The following ATE1 variants were observed in gnomAD, a reference collection of about 807,000 sequenced individuals.
ATE1 encodes arginyl-tRNA--protein transferase 1.
In ATE1, 36 loss-of-function variants were observed where a neutral mutation model predicts 70.5. The observed-to-expected ratio is 0.51, with a 90% confidence interval of 0.39 to 0.67. ATE1 has a LOEUF of 0.67. ATE1 is among the 30% of genes least tolerant of loss of function. The pLI, the probability that ATE1 is intolerant of heterozygous loss-of-function variation, is 0.00. For synonymous variants in ATE1, 232 were observed against 219.3 expected (o/e 1.06, Z -0.51); for missense variants, 593 against 629.5 (o/e 0.94, Z 0.62).
chr10:121,766,864 G>C (rs1399248285), intron 11 of ATE1, among the ~76,000 whole-genome samples: 1 of 152,188 alleles, frequency 6.6e-6, no homozygotes, highest in Non-Finnish European at 1.5e-5. Flanking sequence ...TCATGCTCCA[G>C]AAGGGCCTGG....
intron 11 of ATE1, among the ~76,000 whole-genome samples, chr10:121,747,747 T>C (rs1291252034): frequency 6.6e-6 from 1 of 152,244 alleles, no homozygotes; most frequent in Non-Finnish European, 1.5e-5. Context: ...TAAAACTATG[T>C]TTCTTACAAA....
At chr10:121,916,599 G>A (rs564807058) in intron 3 of ATE1, among the ~76,000 whole-genome samples, 10 of 152,310 alleles carry the variant, frequency 6.6e-5, no homozygotes, top group African/African-American at 1.9e-4. Flanking sequence ...ACTTTGGGAG[G>A]CTGAGGCAGG....
In ATE1 at chr10:121,876,643, A is replaced by G. The variant is rs546709543; in HGVS notation, c.943-6605T>C. ...AGTATAACAATTCTATATCTTAAAG[A>G]GCTACACTCAAAAAGAATGGAATCT... On this transcript the variant is annotated intron_variant, in intron 7 of 11. Transcript: ENST00000224652. Among the ~76,000 whole-genome samples, 6 of 152,296 alleles carry G rather than the reference A, an allele frequency of 3.9e-5. No homozygotes were observed. In the South Asian group the frequency reaches 1.2e-3, roughly 32 times the overall value.
intron 9 of ATE1, among the ~76,000 whole-genome samples, chr10:121,840,588 C>T (rs961691293): frequency 2.0e-5 from 3 of 151,944 alleles, no homozygotes; most frequent in African/African-American, 4.8e-5. Flanking sequence ...ACAAAAGCTA[C>T]CCACAAATAC....
At chr10:121,864,193 G>GT (rs1274902221) in intron 8 of ATE1, among the ~76,000 whole-genome samples, 1 of 152,194 alleles carries the variant, frequency 6.6e-6, no homozygotes, top group Non-Finnish European at 1.5e-5. Context: ...CCAGGGACTG[G>GT]TTTCGTGGAA....
intron 11 of ATE1, among the ~76,000 whole-genome samples, chr10:121,789,193 A>C (rs905939085): frequency 6.6e-6 from 1 of 152,034 alleles, no homozygotes; most frequent in Non-Finnish European, 1.5e-5. Context: ...AAAAGTGAGA[A>C]ATCTGAGACA....
intron 10 of ATE1, among the ~76,000 whole-genome samples, chr10:121,823,720 C>T (rs1221617720): frequency 2.6e-5 from 4 of 152,160 alleles, no homozygotes; most frequent in Non-Finnish European, 4.4e-5. Context: ...CTTTCTAGTT[C>T]ATTGTAAAGA....
intron 5 of ATE1, among the ~76,000 whole-genome samples, chr10:121,907,281 C>T (rs760857439): frequency 6.6e-6 from 1 of 151,728 alleles, no homozygotes; most frequent in Non-Finnish European, 1.5e-5. Flanking sequence ...ATGGCAAAAC[C>T]CCATTTCTAC....
chr10:121,873,594 T>C (rs2134047475), intron 7 of ATE1, among the ~76,000 whole-genome samples: 1 of 151,310 alleles, frequency 6.6e-6, no homozygotes. Context: ...TTTTTCTAAG[T>C]ATAGGGGTAG....
At chr10:121,817,538 C>CAA (rs10625101) in intron 10 of ATE1, among the ~76,000 whole-genome samples, 96,872 of 142,898 alleles carry the variant, frequency 0.68, 32,534 homozygotes, top group Non-Finnish European at 0.72. Context: ...GACTCTGTCT[C>CAA]AAAAAAAAAA....
chr10:121,884,105 CAAAAAAAAAAAA>C (rs56040116), intron 7 of ATE1, among the ~76,000 whole-genome samples: 1 of 43,416 alleles, frequency 2.3e-5, no homozygotes, highest in Non-Finnish European at 3.6e-5. Context: ...GACCCAGACT[CAAAAAAAAAAAA>C]AAAAAAAAAA....
At chr10:121,819,073 A>G (rs1947678369) in intron 10 of ATE1, among the ~76,000 whole-genome samples, 2 of 152,248 alleles carry the variant, frequency 1.3e-5, no homozygotes, top group Admixed American at 6.5e-5. Context: ...CAGTCTAAAC[A>G]ATGGGGTAAA....
chr10:121,796,060 A>G (rs900366819), intron 10 of ATE1, among the ~76,000 whole-genome samples: 1 of 152,206 alleles, frequency 6.6e-6, no homozygotes, highest in Non-Finnish European at 1.5e-5. Context: ...TAAGTACTCA[A>G]AATTTTGAAA....
intron 9 of ATE1, among the ~76,000 whole-genome samples, chr10:121,840,867 T>C (rs971445348): frequency 6.6e-6 from 1 of 150,892 alleles, no homozygotes; most frequent in Non-Finnish European, 1.5e-5. Context: ...TTACAAATTA[T>C]ATATAAGTAT....
intron 7 of ATE1, among the ~76,000 whole-genome samples, chr10:121,888,956 C>T (rs1950495088): frequency 6.6e-6 from 1 of 151,916 alleles, no homozygotes. Context: ...AAGAAAATAC[C>T]GGTAGTGATG....
At chr10:121,858,537 A>T (rs2133931342) in intron 8 of ATE1, among the ~76,000 whole-genome samples, 1 of 150,864 alleles carries the variant, frequency 6.6e-6, no homozygotes, top group East Asian at 1.9e-4. Context: ...TCAACAACTT[A>T]AATCATCTTT....
chr10:121,867,789 A>G (rs1420973730), intron 8 of ATE1, among the ~76,000 whole-genome samples: 2 of 152,152 alleles, frequency 1.3e-5, no homozygotes, highest in African/African-American at 2.4e-5. Context: ...AATGTATTTT[A>G]TATGTGTTAT....
chr10:121,892,659 C>T (rs1014801404), intron 7 of ATE1, among the ~76,000 whole-genome samples: 1 of 152,112 alleles, frequency 6.6e-6, no homozygotes, highest in East Asian at 2.0e-4. Context: ...GTGCCCTCCA[C>T]CATGCCCAGC....
chr10:121,778,638 C>G (rs545750268), intron 11 of ATE1, among the ~76,000 whole-genome samples: 9 of 127,620 alleles, frequency 7.1e-5, no homozygotes, highest in South Asian at 5.2e-4. Flanking sequence ...GTTGATCTCA[C>G]TCTCTGGGCT....
Sources: allele counts gnomAD v4.1 joint callset (sites outside exome capture counted in the v4.1 genomes callset), GRCh38; gene constraint gnomAD v4.1.1; transcripts MANE v1.5; gene names NCBI Gene and HGNC (gene_info 2026-07-23, HGNC 2026-07-21).